The following ADGRG2 variants were observed in gnomAD, a reference collection of about 807,000 sequenced individuals.
The protein encoded by ADGRG2 is G protein-coupled receptor 64.
Under a neutral mutation model 74.1 loss-of-function variants are expected in ADGRG2, and 26 were observed. The ratio of observed to expected loss-of-function variants is 0.35; its 90% CI spans 0.26 to 0.49. ADGRG2 has a LOEUF of 0.49. Among genes scored for constraint, ADGRG2 ranks in the 20% least tolerant of loss-of-function variants. The pLI, the probability that ADGRG2 is intolerant of heterozygous loss-of-function variation, is 0.99. For missense variants in ADGRG2, 619 were observed against 763.1 expected (o/e 0.81, Z 2.22); for synonymous variants, 296 against 295.2 (o/e 1.00, Z -0.03).
intron 9 of ADGRG2, among the ~76,000 whole-genome samples, chrX:19,030,286 C>T (rs188255125): frequency 3.1e-4 from 35 of 112,015 alleles, no homozygotes; most frequent in Admixed American, 2.9e-3. Flanking sequence ...TTCTGTTTTT[C>T]ACATTTGCTT....
At chrX:19,068,682 GAA>G (rs748564455) in intron 3 of ADGRG2, 33 bp downstream of exon 3, 71 of 505,257 alleles carry the variant, frequency 1.4e-4, no homozygotes, top group South Asian at 2.6e-4. Context: ...CAGATAAACA[GAA>G]AAAAAAAAAA....
At chrX:19,111,663 A>C (rs1365965764) in intron 1 of ADGRG2, among the ~76,000 whole-genome samples, 2 of 111,470 alleles carry the variant, frequency 1.8e-5, no homozygotes, top group Non-Finnish European at 3.8e-5. Flanking sequence ...AGATCTTCTG[A>C]GAAGGAGTGA....
At chrX:19,102,288 T>A (rs917231336) in intron 1 of ADGRG2, among the ~76,000 whole-genome samples, 1 of 110,820 alleles carries the variant, frequency 9.0e-6, no homozygotes, top group Non-Finnish European at 1.9e-5. Context: ...AGGACTCATT[T>A]CTCTTATTTT....
intron 1 of ADGRG2, among the ~76,000 whole-genome samples, chrX:19,100,438 C>G (rs989353336): frequency 8.8e-6 from 1 of 113,159 alleles, no homozygotes; most frequent in Non-Finnish European, 1.9e-5. Context: ...TCCAATAAAC[C>G]TTCATTTACA....
At chrX:19,114,674 T>G (rs2062479253) in intron 1 of ADGRG2, among the ~76,000 whole-genome samples, 1 of 111,422 alleles carries the variant, frequency 9.0e-6, no homozygotes, top group African/African-American at 3.3e-5. Context: ...TCATGACAAC[T>G]AAAAATGTCT....
chrX:19,033,004 C>T (rs2060859865), intron 8 of ADGRG2: 1 of 111,983 alleles, frequency 8.9e-6, no homozygotes, highest in African/African-American at 3.2e-5. Context: ...GCAGGCAGAT[C>T]ACTTGAGCCC....
intron 2 of ADGRG2, among the ~76,000 whole-genome samples, chrX:19,078,278 G>A (rs941205878): frequency 1.8e-5 from 2 of 112,280 alleles, no homozygotes; most frequent in African/African-American, 6.5e-5. Flanking sequence ...CGCCAGGCGT[G>A]GTGGCTCACA....
At chrX:19,029,967 G>A (rs2146685189) in intron 9 of ADGRG2, among the ~76,000 whole-genome samples, 1 of 111,781 alleles carries the variant, frequency 8.9e-6, no homozygotes, top group African/African-American at 3.2e-5. Context: ...ATTCTACCTG[G>A]AACGTAGTAT....
intron 11 of ADGRG2, among the ~76,000 whole-genome samples, chrX:19,025,063 C>T (rs2060671216): frequency 8.9e-6 from 1 of 112,146 alleles, no homozygotes; most frequent in Non-Finnish European, 1.9e-5. Flanking sequence ...TCATGAGCCA[C>T]CATGCCCCAC....
rs920073517 is a variant in ADGRG2 at position 18,999,297 on chromosome X, G to A, written c.2331-18C>T. On this transcript the variant is annotated intron_variant, in intron 25 of 28. Coordinates refer to ENST00000379869, the MANE Select transcript of ADGRG2 (RefSeq NM_001079858.3). ...TCCAGCAGCTGGAGTTTGTGGAGGGGGGGAAACAGGGGAAAACATATTATA... is the reference window on the plus strand; with the variant it reads ...TCCAGCAGCTGGAGTTTGTGGAGGGAGGGAAACAGGGGAAAACATATTATA... The A allele has an allele frequency of 8.8e-7, 1 of 1,138,074 alleles. No individual in the cohort carries two copies. Among genetic ancestry groups the A allele is most frequent in the Non-Finnish European group, 1.2e-6 (1 of 846,450 alleles). The allele number at this position is 1,138,074 out of a possible 1,213,427, so 93.8% of individuals were successfully genotyped here.
chrX:19,054,001 C>T (rs1432424691), intron 3 of ADGRG2, among the ~76,000 whole-genome samples: 4 of 111,739 alleles, frequency 3.6e-5, no homozygotes, highest in Non-Finnish European at 5.6e-5. Context: ...TATCTCCCAC[C>T]GGGTCCCTCC....
chrX:19,023,812 G>A lies in ADGRG2; in HGVS notation c.510+97C>T. The A allele has an allele frequency of 6.5e-6, 4 of 613,914 alleles. No individual in the cohort carries two copies. In the South Asian group the frequency reaches 1.0e-4, roughly 16 times the overall value. The allele number at this position is 613,914 out of a possible 1,213,427, so 50.6% of individuals were successfully genotyped here. A position where few individuals can be genotyped will look rare whatever the true frequency, so the allele number is the denominator to read the frequency against. On this transcript the variant is annotated intron_variant, in intron 12 of 28. Coordinates refer to ENST00000379869, the MANE Select transcript of ADGRG2 (RefSeq NM_001079858.3). ...ATTCTCTTACACAACAAATTTGGGA[G>A]AATTTGAATACATATCTCCCAGGAA... is the stretch of plus-strand genomic sequence containing the variant.
At chrX:19,075,829 A>G (rs1367216719) in intron 2 of ADGRG2, among the ~76,000 whole-genome samples, 2 of 110,921 alleles carry the variant, frequency 1.8e-5, no homozygotes, top group African/African-American at 6.6e-5. Flanking sequence ...ATATTTTCAG[A>G]CAAACAGAAA....
In ADGRG2 at chrX:19,017,009, G is replaced by C. The variant is rs139222179; in HGVS notation, c.710+2590C>G. ...CTCCCAAAGTGCTGAGATTACAGGC[G>C]TGAGCCACCATGCCCAGCTGCATCA... On this transcript the variant is annotated intron_variant, in intron 15 of 28. Transcript: ENST00000379869. Among the ~76,000 whole-genome samples the C allele has an allele frequency of 6.0e-3, 663 of 111,296 alleles. 7 individuals carry two copies. The highest frequency in any genetic ancestry group is 0.02 in the African/African-American group (603 of 30,657).
chrX:19,004,094 T>C (rs2060184010), intron 23 of ADGRG2, among the ~76,000 whole-genome samples: 1 of 112,235 alleles, frequency 8.9e-6, no homozygotes, highest in Non-Finnish European at 1.9e-5. Flanking sequence ...TTACATTTCC[T>C]GATCAGTGTC....
At chrX:19,099,838 C>A (rs1166814902) in intron 1 of ADGRG2, among the ~76,000 whole-genome samples, 2 of 111,258 alleles carry the variant, frequency 1.8e-5, no homozygotes, top group Non-Finnish European at 3.8e-5. Flanking sequence ...GATTTGAGAC[C>A]AGCCTGGGCA....
chrX:19,096,863 G>A (rs913634596), intron 1 of ADGRG2, among the ~76,000 whole-genome samples: 5 of 112,765 alleles, frequency 4.4e-5, no homozygotes, highest in African/African-American at 1.6e-4. Context: ...AGTCAGTACA[G>A]GGAAAGTGCT....
Position 19,044,116 on chromosome X carries a change from G to T in ADGRG2, c.119-3892C>A, listed in dbSNP as rs147580855. On this transcript the variant is annotated intron_variant, in intron 3 of 28. Transcript: ENST00000379869. Reference sequence around the variant, plus strand: ...TTAAAATCAATGCTGATGATGCTAGGCCACATTCTTTTCTGGAAACTCTAG... The same window carrying T: ...TTAAAATCAATGCTGATGATGCTAGTCCACATTCTTTTCTGGAAACTCTAG... 5.8e-3 allele frequency among the ~76,000 whole-genome samples: 644 copies of T among 111,789 alleles called. 7 individuals are homozygous for T. The highest frequency in any genetic ancestry group is 0.02 in the African/African-American group (604 of 30,812).
intron 7 of ADGRG2, chrX:19,033,873 T>C (rs924849198): frequency 3.4e-5 from 10 of 292,357 alleles, no homozygotes; most frequent in South Asian, 1.4e-4. Flanking sequence ...GTTCCATGTT[T>C]ACGCAGTTAG....
Sources: gnomAD v4.1 joint callset for allele counts (sites outside exome capture counted in the v4.1 genomes callset) on GRCh38, gnomAD v4.1.1 for gene constraint, MANE v1.5 for transcripts, NCBI Gene and HGNC (gene_info 2026-07-23, HGNC 2026-07-21) for gene names.